The following ALK variants were observed in gnomAD, a reference collection of about 807,000 sequenced individuals.
The protein encoded by ALK is ALK receptor tyrosine kinase.
In ALK, 74 loss-of-function variants were observed where a neutral mutation model predicts 163.1. That is an observed-to-expected ratio of 0.45 (90% CI 0.38 to 0.55). The LOEUF is 0.55. Ranked by LOEUF, ALK falls within the 20% of genes least tolerant of loss-of-function variation. The pLI, the probability that ALK is intolerant of heterozygous loss-of-function variation, is 0.00. For missense variants in ALK, 2,063 were observed against 2,105.3 expected (o/e 0.98, Z 0.39); for synonymous variants, 960 against 843.2 (o/e 1.14, Z -2.40).
chr2:29,202,182 G>A (rs116037567), intron 26 of ALK, among the ~76,000 whole-genome samples: 2,605 of 152,220 alleles, frequency 0.017, 85 homozygotes, highest in African/African-American at 0.059. Flanking sequence ...TGTTCACACT[G>A]GCTTTTCCTG....
chr2:29,832,923 T>C (rs1411429548), intron 1 of ALK, among the ~76,000 whole-genome samples: 2 of 152,196 alleles, frequency 1.3e-5, no homozygotes, highest in African/African-American at 4.8e-5. Context: ...AGGCGGCAGT[T>C]GAGCTGGGCT....
At chr2:29,619,812 C>T (rs1181691727) in intron 3 of ALK, among the ~76,000 whole-genome samples, 1 of 152,228 alleles carries the variant, frequency 6.6e-6, no homozygotes, top group African/African-American at 2.4e-5. Context: ...TGCCCGCACT[C>T]AGCCCTGCTG....
At chr2:29,773,383 A>G (rs1681081108) in intron 1 of ALK, among the ~76,000 whole-genome samples, 1 of 152,138 alleles carries the variant, frequency 6.6e-6, no homozygotes. Context: ...ACAATCTTTC[A>G]GGGGCCCTCT....
At position 29,428,522 on chromosome 2, in the gene ALK, A is replaced by C. The variant is rs530796154; in HGVS notation, c.1155-44663T>G. Among the ~76,000 whole-genome samples, 84 of 152,084 alleles carry C rather than the reference A, an allele frequency of 5.5e-4. 1 individual carries two copies. Among genetic ancestry groups the C allele is most frequent in the African/African-American group, 1.9e-3 (78 of 41,564 alleles). ...CCAATAAAGTAGATGACTTAGATGA[A>C]ATAGATACATTCCTAGATAGACACA... On this transcript the variant is annotated intron_variant, in intron 4 of 28. Coordinates refer to ENST00000389048, the MANE Select transcript of ALK (RefSeq NM_004304.5).
intron 11 of ALK, among the ~76,000 whole-genome samples, chr2:29,269,275 A>T (rs1665316270): frequency 6.6e-6 from 1 of 152,190 alleles, no homozygotes; most frequent in South Asian, 2.1e-4. Flanking sequence ...CTTGGCCTTC[A>T]GCCCAGCCTC....
intron 4 of ALK, among the ~76,000 whole-genome samples, chr2:29,520,184 G>A (rs1672775976): frequency 1.3e-5 from 2 of 152,228 alleles, no homozygotes. Flanking sequence ...TTGCTCGGCA[G>A]TGTAGGATGG....
intron 9 of ALK, among the ~76,000 whole-genome samples, chr2:29,294,439 T>C (rs1666123783): frequency 6.6e-6 from 1 of 152,224 alleles, no homozygotes. Flanking sequence ...GGAGATATTG[T>C]CATTATTATA....
At chr2:29,741,409 G>T (rs1553355292) in intron 1 of ALK, among the ~76,000 whole-genome samples, 1 of 152,212 alleles carries the variant, frequency 6.6e-6, no homozygotes, top group Non-Finnish European at 1.5e-5. Context: ...GCTATGCATT[G>T]TGGGAGCAGG....
intron 11 of ALK, among the ~76,000 whole-genome samples, chr2:29,267,085 T>G (rs933632616): frequency 2.0e-5 from 3 of 152,078 alleles, no homozygotes; most frequent in Non-Finnish European, 4.4e-5. Flanking sequence ...TAGAAGACTC[T>G]CTCTCTCTCT....
rs116189346 is a variant in ALK, at chr2:29,647,849, C to T, written c.952+47001G>A. Among the ~76,000 whole-genome samples the T allele has an allele frequency of 3.2e-3, 463 of 145,290 alleles. 2 individuals carry two copies. The highest frequency in any genetic ancestry group is 5.0e-3 in the Non-Finnish European group (333 of 66,612). Reference sequence around the variant, plus strand: ...CCTAATGTTTTTCTTAAAACCAACTCATATTTATAAACTTAGATTCAGTTT... The same window carrying T: ...CCTAATGTTTTTCTTAAAACCAACTTATATTTATAAACTTAGATTCAGTTT... On this transcript the variant is annotated intron_variant, in intron 3 of 28. Transcript: ENST00000389048.
At chr2:29,741,681 C>G (rs1680061530) in intron 1 of ALK, among the ~76,000 whole-genome samples, 1 of 152,170 alleles carries the variant, frequency 6.6e-6, no homozygotes, top group African/African-American at 2.4e-5. Flanking sequence ...CAACCAAGCT[C>G]AACCCCTTTC....
chr2:29,670,300 G>A (rs1301918041), intron 3 of ALK, among the ~76,000 whole-genome samples: 1 of 152,004 alleles, frequency 6.6e-6, no homozygotes, highest in East Asian at 1.9e-4. Context: ...TTCTTGGAAG[G>A]CAGAATTTTT....
At chr2:29,330,918 A>G (rs1270392258) in intron 5 of ALK, among the ~76,000 whole-genome samples, 1 of 152,186 alleles carries the variant, frequency 6.6e-6, no homozygotes, top group Non-Finnish European at 1.5e-5. Flanking sequence ...GTCCAGTGAA[A>G]CTAATTTCAT....
chr2:29,294,824 T>G (rs1222283867), intron 9 of ALK, among the ~76,000 whole-genome samples: 2 of 152,226 alleles, frequency 1.3e-5, no homozygotes, highest in Non-Finnish European at 2.9e-5. Context: ...TTTTCAAACT[T>G]GGCACTATTT....
intron 3 of ALK, among the ~76,000 whole-genome samples, chr2:29,591,911 TGTC>T (rs1675070103): frequency 6.6e-6 from 1 of 152,064 alleles, no homozygotes; most frequent in Non-Finnish European, 1.5e-5. Context: ...TTACTCTTTC[TGTC>T]GTCTTTCTCA....
At chr2:29,626,167 G>A (rs1676188764) in intron 3 of ALK, among the ~76,000 whole-genome samples, 2 of 152,192 alleles carry the variant, frequency 1.3e-5, no homozygotes. Flanking sequence ...GTATTTGGAG[G>A]TGGGACCCTT....
intron 1 of ALK, among the ~76,000 whole-genome samples, chr2:29,799,596 C>T (rs893096017): frequency 6.6e-6 from 1 of 152,124 alleles, no homozygotes; most frequent in Non-Finnish European, 1.5e-5. Context: ...AAAGTGAAAG[C>T]ATCACTTGAG....
chr2:29,611,222 A>G (rs112510775), intron 3 of ALK, among the ~76,000 whole-genome samples: 24 of 152,296 alleles, frequency 1.6e-4, no homozygotes, highest in African/African-American at 4.6e-4. Context: ...AGTGATAGGC[A>G]TTATTTGGGT....
intron 5 of ALK, among the ~76,000 whole-genome samples, chr2:29,378,062 T>A (rs1248426959): frequency 2.0e-5 from 3 of 152,210 alleles, no homozygotes; most frequent in Non-Finnish European, 2.9e-5. Flanking sequence ...AGTGGCCTGC[T>A]ATAAAATGTA....
Sources: gnomAD v4.1 joint callset for allele counts (sites outside exome capture counted in the v4.1 genomes callset) on GRCh38, gnomAD v4.1.1 for gene constraint, MANE v1.5 for transcripts, NCBI Gene and HGNC (gene_info 2026-07-23, HGNC 2026-07-21) for gene names.